TTC29: variants seen among roughly 807,000 people sequenced by gnomAD.
The protein encoded by TTC29 is tetratricopeptide repeat protein 29.
A neutral mutation model predicts 58.1 loss-of-function variants in TTC29; 49 were observed. That is an observed-to-expected ratio of 0.84 (90% CI 0.67 to 1.07). TTC29 has a LOEUF of 1.07. Among genes scored for constraint, TTC29 ranks in the 50% least tolerant of loss-of-function variants. TTC29 has a pLI of 0.00. For synonymous variants in TTC29, 209 were observed against 196.8 expected (o/e 1.06, Z -0.52); for missense variants, 582 against 555.6 (o/e 1.05, Z -0.48).
chr4:146,857,343 G>A (rs1442794843), intron 8 of TTC29, among the ~76,000 whole-genome samples: 1 of 149,528 alleles, frequency 6.7e-6, no homozygotes, highest in African/African-American at 2.5e-5. Flanking sequence ...CAACAGTTGG[G>A]GGAAATGGGA....
At chr4:146,761,696 T>C (rs1188331393) in intron 11 of TTC29, among the ~76,000 whole-genome samples, 2 of 148,390 alleles carry the variant, frequency 1.3e-5, no homozygotes, top group Non-Finnish European at 3.0e-5. Flanking sequence ...TGTAGACTTG[T>C]CTCTTTGCTC....
intron 8 of TTC29, among the ~76,000 whole-genome samples, chr4:146,862,130 T>C (rs1201561460): frequency 6.6e-6 from 1 of 152,014 alleles, no homozygotes; most frequent in Non-Finnish European, 1.5e-5. Context: ...GAAAGTAGAA[T>C]AAAAGAGGAT....
intron 4 of TTC29, among the ~76,000 whole-genome samples, chr4:146,910,514 G>C (rs1579965344): frequency 6.6e-6 from 1 of 152,068 alleles, no homozygotes; most frequent in East Asian, 1.9e-4. Context: ...GCAAGCAGGA[G>C]AGTGGTGAGA....
chr4:146,874,136 C>T (rs1428393992), intron 7 of TTC29, among the ~76,000 whole-genome samples: 1 of 152,104 alleles, frequency 6.6e-6, no homozygotes, highest in African/African-American at 2.4e-5. Context: ...TGTGCATATA[C>T]ATCACCTGGG....
At chr4:146,774,002 T>C (rs964799434) in intron 11 of TTC29, among the ~76,000 whole-genome samples, 1 of 152,146 alleles carries the variant, frequency 6.6e-6, no homozygotes, top group Non-Finnish European at 1.5e-5. Context: ...ATTTATCTAT[T>C]TCTTCTAGGT....
chr4:146,788,966 A>G (rs1489820713), intron 11 of TTC29, among the ~76,000 whole-genome samples: 1 of 152,178 alleles, frequency 6.6e-6, no homozygotes, highest in East Asian at 1.9e-4. Flanking sequence ...TTTTAAATAG[A>G]TATCTAAAGG....
intron 11 of TTC29, among the ~76,000 whole-genome samples, chr4:146,752,425 T>G (rs868028869): frequency 4.7e-5 from 7 of 149,390 alleles, no homozygotes; most frequent in African/African-American, 1.7e-4. Flanking sequence ...TGGAAGAACA[T>G]TCCATGCTTA....
chr4:146,786,219 C>A (rs941192286), intron 11 of TTC29, among the ~76,000 whole-genome samples: 1 of 152,202 alleles, frequency 6.6e-6, no homozygotes, highest in Non-Finnish European at 1.5e-5. Flanking sequence ...AGGGCACCAT[C>A]TTTAGAGGTC....
At chr4:146,729,492 G>A (rs1042628598) in intron 11 of TTC29, among the ~76,000 whole-genome samples, 1 of 151,942 alleles carries the variant, frequency 6.6e-6, no homozygotes, top group Non-Finnish European at 1.5e-5. Context: ...TTTTTATGAA[G>A]GCATGTTGTC....
In TTC29 at chr4:146,939,828, G is replaced by A. The variant is rs61741876; in HGVS notation, c.68C>T (p.Pro23Leu). 0.012 allele frequency: 19,135 copies of A among 1,612,956 alleles called. 1,935 individuals are homozygous for A. The African/African-American group carries it at 0.22, about 18-fold the overall frequency. Residue 23 changes from proline to leucine, a missense_variant, in exon 3 of 13, where the codon CCT (proline) becomes CTT (leucine). Physicochemically the swap from Pro to Leu is moderately conservative, Grantham distance 98 (BLOSUM62 -3). Transcript: ENST00000325106. The stretch of plus-strand genomic sequence containing the variant: ...CCTTGGAATTTTTCTGGAGGAGCAA[G>A]GCAGCTTCTGTCTGGCTAAGGCTGT... The part of the protein sequence containing the change: ...KLTALARQKL[P>L]CSSRKIPRSQ...
rs1579626322 is a variant in TTC29 at position 146,766,556 on chromosome 4, A to G, written c.1330+36901T>C. Reference sequence around the variant, plus strand: ...CTTGCATATGGACAACCTGTCTGATAAAAAAATTAAAAAATGAATTAGTAT... The same window carrying G: ...CTTGCATATGGACAACCTGTCTGATGAAAAAATTAAAAAATGAATTAGTAT... On this transcript the variant is annotated intron_variant, in intron 11 of 12. Coordinates refer to ENST00000325106, the MANE Select transcript of TTC29 (RefSeq NM_031956.4). 2.0e-5 allele frequency among the ~76,000 whole-genome samples: 3 copies of G among 152,148 alleles called. No homozygotes were observed. In the South Asian group the frequency reaches 6.2e-4, roughly 32 times the overall value.
intron 6 of TTC29, among the ~76,000 whole-genome samples, chr4:146,888,609 A>G (rs1732148421): frequency 6.6e-6 from 1 of 152,188 alleles, no homozygotes; most frequent in Non-Finnish European, 1.5e-5. Flanking sequence ...TACTTATCAC[A>G]TTTAGTTTCA....
At chr4:146,804,693 T>A (rs1269992532) in intron 10 of TTC29, among the ~76,000 whole-genome samples, 1 of 152,154 alleles carries the variant, frequency 6.6e-6, no homozygotes, top group Non-Finnish European at 1.5e-5. Flanking sequence ...AGATTACGCC[T>A]CTCTGGGCAG....
At chr4:146,773,186 T>C (rs12511670) in intron 11 of TTC29, among the ~76,000 whole-genome samples, 19,050 of 151,984 alleles carry the variant, frequency 0.13, 1,968 homozygotes, top group African/African-American at 0.28. Context: ...GCCTTTCTCT[T>C]TTTCTATTTG....
intron 4 of TTC29, among the ~76,000 whole-genome samples, chr4:146,933,052 C>T (rs537508354): frequency 8.8e-5 from 11 of 124,488 alleles, no homozygotes; most frequent in East Asian, 7.0e-4. Context: ...ACCGAGACTC[C>T]GTCTCAAAAA....
chr4:146,846,738 G>A (rs560143877), intron 8 of TTC29, among the ~76,000 whole-genome samples: 1 of 152,244 alleles, frequency 6.6e-6, no homozygotes, highest in Admixed American at 6.5e-5. Context: ...ATTACCATGA[G>A]GAAATCTGTC....
At chr4:146,874,404 G>A (rs1296497700) in intron 7 of TTC29, among the ~76,000 whole-genome samples, 1 of 152,082 alleles carries the variant, frequency 6.6e-6, no homozygotes, top group African/African-American at 2.4e-5. Flanking sequence ...ATACACACAT[G>A]CGCATGCACA....
At chr4:146,760,516 A>G (rs1000851936) in intron 11 of TTC29, among the ~76,000 whole-genome samples, 1 of 151,936 alleles carries the variant, frequency 6.6e-6, no homozygotes, top group Non-Finnish European at 1.5e-5. Flanking sequence ...TAGAGGCATC[A>G]CACTACCTGA....
At chr4:146,766,607 G>T (rs1315202629) in intron 11 of TTC29, among the ~76,000 whole-genome samples, 1 of 152,038 alleles carries the variant, frequency 6.6e-6, no homozygotes, top group Non-Finnish European at 1.5e-5. Context: ...TTGTGATAAA[G>T]CTATTAGTCT....
Sources: gnomAD v4.1 joint callset for allele counts (sites outside exome capture counted in the v4.1 genomes callset) on GRCh38, gnomAD v4.1.1 for gene constraint, MANE v1.5 for transcripts, NCBI Gene and HGNC (gene_info 2026-07-23, HGNC 2026-07-21) for gene names.